The following ANKRD36C variants were observed in gnomAD, a reference collection of about 807,000 sequenced individuals.
ANKRD36C encodes ankyrin repeat domain 36C, also known as ankyrin repeat domain-containing protein 36C.
In ANKRD36C, 61 loss-of-function variants were observed where a neutral mutation model predicts 276.4. That is an observed-to-expected ratio of 0.22 (90% CI 0.18 to 0.27). ANKRD36C has a LOEUF of 0.27. Ranked by LOEUF, ANKRD36C falls within the 10% of genes least tolerant of loss-of-function variation. The probability of loss-of-function intolerance (pLI) is 1.00; values close to 1 mark genes in which losing one functional copy is unlikely to be tolerated. For missense variants in ANKRD36C, 1,447 were observed against 2,032.3 expected, an observed-to-expected ratio of 0.71 and a Z score of 5.54; for synonymous variants, 483 against 680.1, an observed-to-expected ratio of 0.71 and a Z score of 4.51.
chr2:95,903,193 C>T (rs1013042010), intron 42 of ANKRD36C, 112 bp from the exon 53 acceptor site: 13 of 1,484,698 alleles, frequency 8.8e-6, no homozygotes, highest in African/African-American at 7.0e-5. Context: ...TTAGCGTAGG[C>T]TTTGATGGCT....
At position 95,891,745 on chromosome 2, in the gene ANKRD36C, G is replaced by C. The variant is rs186496927; in HGVS notation, c.2785-8C>G. 15 of 1,578,608 alleles carry C rather than the reference G, an allele frequency of 9.5e-6. No individual in the cohort carries two copies. The Admixed American group carries it at 1.4e-4, about 15-fold the overall frequency. Reference sequence around the variant, plus strand: ...TTTCTCGTCACTTGTAGCCTGAATGGAATTTGAAATGAAATAATAAATTAA... The same window carrying C: ...TTTCTCGTCACTTGTAGCCTGAATGCAATTTGAAATGAAATAATAAATTAA... On this transcript the variant is annotated splice_region_variant and splice_polypyrimidine_tract_variant and intron_variant, in intron 45 of 66. Transcript: ENST00000456556.
intron 32 of ANKRD36C, among the ~76,000 whole-genome samples, chr2:95,923,101 T>C (rs1219915393): frequency 6.6e-6 from 1 of 151,526 alleles, no homozygotes; most frequent in Non-Finnish European, 1.5e-5. Context: ...CAATTTTTAC[T>C]GGTTATTATG....
At chr2:95,887,407 G>A (rs1676225241) in intron 50 of ANKRD36C, among the ~76,000 whole-genome samples, 1 of 151,052 alleles carries the variant, frequency 6.6e-6, no homozygotes, top group African/African-American at 2.4e-5. Context: ...TTCCTCAGCA[G>A]AAACCCCAAA....
intron 59 of ANKRD36C, among the ~76,000 whole-genome samples, chr2:95,869,475 T>G (rs1675753478): frequency 6.6e-6 from 1 of 152,194 alleles, no homozygotes; most frequent in Non-Finnish European, 1.5e-5. Context: ...AACTTTAAAT[T>G]ATTAGGAGCC....
At chr2:95,866,082 A>C (rs1375265330) in intron 60 of ANKRD36C, among the ~76,000 whole-genome samples, 1 of 152,204 alleles carries the variant, frequency 6.6e-6, no homozygotes, top group East Asian at 1.9e-4. Context: ...TTGGCTGTCC[A>C]TATCCAAAAA....
chr2:95,868,317 T>A (rs1318688858), intron 59 of ANKRD36C, among the ~76,000 whole-genome samples: 1 of 149,634 alleles, frequency 6.7e-6, no homozygotes, highest in East Asian at 2.0e-4. Context: ...ACATGCTTCA[T>A]TTCTTTGGAG....
Position 95,951,482 on chromosome 2 carries a change from C to T in ANKRD36C, c.1204-74G>A, listed in dbSNP as rs1422052877. Reference sequence around the variant, plus strand: ...ATAAGGATAATACCCACCATTACTACGTGATCTAACAGGAAAAGTATGGAC... The same window carrying T: ...ATAAGGATAATACCCACCATTACTATGTGATCTAACAGGAAAAGTATGGAC... On this transcript the variant is annotated intron_variant, in intron 14 of 66. Transcript: ENST00000456556. 32 of 1,124,960 alleles carry T rather than the reference C, an allele frequency of 2.8e-5. No individual in the cohort carries two copies. The East Asian group carries it at 6.1e-4, about 21-fold the overall frequency. The allele number at this position is 1,124,960 out of a possible 1,614,324, so 69.7% of individuals were successfully genotyped here. A position where few individuals can be genotyped will look rare whatever the true frequency, so the allele number is the denominator to read the frequency against.
chr2:95,982,211 G>T (rs1388473033), intron 4 of ANKRD36C, 45 bp downstream of exon 4: 5 of 1,398,642 alleles, frequency 3.6e-6, no homozygotes, highest in South Asian at 2.8e-5. Flanking sequence ...ACTCTAAAAT[G>T]ACACTCAGGT....
Position 95,917,890 on chromosome 2 carries a change from G to T in ANKRD36C, c.2312C>A (p.Ala771Asp), listed in dbSNP as rs866816777. ...TTTTTCTCCGTCCTTTATTTCTGTG[G>T]CTATAATCGAAACAGAATCTTCCTC... Residue 771 changes from alanine (A) to aspartate (D), a missense_variant, in exon 36 of 67, where the codon GCC becomes GAC. Coordinates refer to ENST00000456556, the Ensembl canonical transcript of ANKRD36C. The T allele has an allele frequency of 3.1e-6, 5 of 1,606,904 alleles. No homozygotes were observed. The Middle Eastern group carries it at 5.4e-4, about 172-fold the overall frequency.
chr2:95,854,770 A>G (rs1675369973), intron 63 of ANKRD36C, among the ~76,000 whole-genome samples: 2 of 152,168 alleles, frequency 1.3e-5, no homozygotes, highest in South Asian at 4.1e-4. Flanking sequence ...TGACATGAAG[A>G]AAAACAAAAT....
At chr2:95,913,685 C>T (rs1202147568) in intron 40 of ANKRD36C, among the ~76,000 whole-genome samples, 1 of 151,386 alleles carries the variant, frequency 6.6e-6, no homozygotes, top group Non-Finnish European at 1.5e-5. Flanking sequence ...GTTGCTACAC[C>T]AGGGGTCTCC....
chr2:95,896,644 A>G (rs1676559900), intron 44 of ANKRD36C, among the ~76,000 whole-genome samples: 1 of 142,668 alleles, frequency 7.0e-6, no homozygotes, highest in Non-Finnish European at 1.5e-5. Flanking sequence ...GGTGTATTCC[A>G]ATTATACCAT....
intron 63 of ANKRD36C, among the ~76,000 whole-genome samples, 183 bp from the exon 84 acceptor site, chr2:95,854,044 A>T (rs373782538): frequency 7.0e-6 from 1 of 143,440 alleles, no homozygotes; most frequent in Non-Finnish European, 1.5e-5. Flanking sequence ...AGAAGGTGTT[A>T]TCTTCCTGCC....
chr2:95,917,822 G>C, intron 36 of ANKRD36C, 33 bp downstream of exon 38: 1 of 1,571,914 alleles, frequency 6.4e-7, no homozygotes, highest in Non-Finnish European at 8.6e-7. Context: ...TATCTGGATT[G>C]AACGTGACAT....
chr2:95,892,929 T>C (rs1486543415), intron 44 of ANKRD36C, among the ~76,000 whole-genome samples: 5 of 151,294 alleles, frequency 3.3e-5, no homozygotes, highest in South Asian at 2.1e-4. Flanking sequence ...GATTGTTTCC[T>C]TCTTCCAGCA....
At chr2:95,857,540 C>A in intron 61 of ANKRD36C, 48 bp from the exon 82 acceptor site, 1 of 1,506,582 alleles carries the variant, frequency 6.6e-7, no homozygotes, top group Non-Finnish European at 8.9e-7. Flanking sequence ...GAGGACTAAG[C>A]TCTAATTTTT....
chr2:95,976,961 A>G (rs1156285446), intron 6 of ANKRD36C, among the ~76,000 whole-genome samples: 1 of 151,904 alleles, frequency 6.6e-6, no homozygotes, highest in Admixed American at 6.6e-5. Flanking sequence ...GTGTGGAGGG[A>G]AAGTTCACAT....
chr2:95,913,493 C>G (rs1573760897), intron 40 of ANKRD36C, among the ~76,000 whole-genome samples: 2 of 151,472 alleles, frequency 1.3e-5, no homozygotes, highest in East Asian at 2.0e-4. Context: ...TCCAATTATA[C>G]CATTGTTTCC....
intron 30 of ANKRD36C, 80 bp downstream of exon 30, chr2:95,925,272 A>C: frequency 6.5e-7 from 1 of 1,536,160 alleles, no homozygotes; most frequent in Non-Finnish European, 8.8e-7. Flanking sequence ...TTTCAATGAC[A>C]CTCCACTGAT....
Sources: allele counts gnomAD v4.1 joint callset (sites outside exome capture counted in the v4.1 genomes callset), GRCh38; gene constraint gnomAD v4.1.1; transcripts MANE v1.5; gene names NCBI Gene and HGNC (gene_info 2026-07-23, HGNC 2026-07-21).